The following MYRFL variants were observed in gnomAD, a reference collection of about 807,000 sequenced individuals.
MYRFL encodes the protein myelin regulatory factor like.
A neutral mutation model predicts 109.4 loss-of-function variants in MYRFL; 88 were observed. The ratio of observed to expected loss-of-function variants is 0.80; its 90% confidence interval spans 0.68 to 0.96. MYRFL has a LOEUF of 0.96. Among genes scored for constraint, MYRFL ranks in the 40% least tolerant of loss-of-function variants. The probability of loss-of-function intolerance (pLI) is 0.00; values close to 1 mark genes in which losing one functional copy is unlikely to be tolerated. For synonymous variants in MYRFL, 324 were observed against 320.9 expected, an observed-to-expected ratio of 1.01 and a Z score of -0.10; for missense variants, 957 against 954.9, an observed-to-expected ratio of 1.00 and a Z score of -0.03.
intron 1 of MYRFL, among the ~76,000 whole-genome samples, chr12:69,836,040 G>A (rs2136314856): frequency 6.6e-6 from 1 of 152,298 alleles, no homozygotes; most frequent in Middle Eastern, 3.4e-3. Flanking sequence ...CGGATCACAC[G>A]TGGGCTTGGA....
chr12:69,950,885 G>A (rs1006751641), intron 19 of MYRFL, among the ~76,000 whole-genome samples: 2 of 152,116 alleles, frequency 1.3e-5, no homozygotes, highest in African/African-American at 4.8e-5. Context: ...TCACAAACTA[G>A]ATAGGAAATA....
intron 2 of MYRFL, among the ~76,000 whole-genome samples, chr12:69,862,526 T>G (rs1246067208): frequency 1.3e-5 from 2 of 150,416 alleles, no homozygotes. Flanking sequence ...GAATGGGAGT[T>G]CACTCATGAT....
intron 13 of MYRFL, among the ~76,000 whole-genome samples, chr12:69,920,623 G>C (rs183843673): frequency 6.6e-6 from 1 of 152,182 alleles, no homozygotes; most frequent in Non-Finnish European, 1.5e-5. Context: ...TGGGAGCAGG[G>C]GAGGACAGGT....
intron 13 of MYRFL, among the ~76,000 whole-genome samples, chr12:69,924,682 G>C (rs1205554770): frequency 6.6e-6 from 1 of 152,108 alleles, no homozygotes; most frequent in African/African-American, 2.4e-5. Context: ...TTGTTATTTG[G>C]ATGGATTTTG....
chr12:69,954,376 T>A (rs1463492035), intron 21 of MYRFL, among the ~76,000 whole-genome samples: 1 of 152,228 alleles, frequency 6.6e-6, no homozygotes, highest in Non-Finnish European at 1.5e-5. Context: ...CTGATCCCAA[T>A]GCAGATCTTT....
chr12:69,891,218 A>T, intron 7 of MYRFL, 52 bp downstream of exon 7: 2 of 1,296,562 alleles, frequency 1.5e-6, no homozygotes, highest in Non-Finnish European at 2.0e-6. Context: ...ATTTTGTTTC[A>T]GTTGTCTATT....
Position 69,924,445 on chromosome 12 carries a change from C to T in MYRFL, c.1603-2126C>T, listed in dbSNP as rs77031909. 5.5e-3 allele frequency among the ~76,000 whole-genome samples: 838 copies of T among 152,038 alleles called. 7 individuals carry two copies. Among genetic ancestry groups the T allele is most frequent in the African/African-American group, 0.019 (802 of 41,450 alleles). On this transcript the variant is annotated intron_variant, in intron 13 of 24. Transcript: ENST00000552032. Reference sequence around the variant, plus strand: ...ATAACAGTATATAGAGATATTCTTCCTTTCTTTTTACAGTTGCATAGTATA... The same window carrying T: ...ATAACAGTATATAGAGATATTCTTCTTTTCTTTTTACAGTTGCATAGTATA...
rs566083891 is a variant in MYRFL at position 69,901,541 on chromosome 12, G to C, written c.1183-2103G>C. 2.2e-4 allele frequency among the ~76,000 whole-genome samples: 33 copies of C among 152,286 alleles called. No homozygotes were observed. The South Asian group carries it at 6.8e-3, about 32-fold the overall frequency. On this transcript the variant is annotated intron_variant, in intron 10 of 24. Transcript: ENST00000552032. ...AAAATTAAATCCACTTATATCTGCT[G>C]TTCCAGTATCAAGTTACCAACATGA...
chr12:69,835,980 C>T (rs886185324), intron 1 of MYRFL, among the ~76,000 whole-genome samples: 1 of 152,184 alleles, frequency 6.6e-6, no homozygotes, highest in African/African-American at 2.4e-5. Flanking sequence ...GTCGCAAGGA[C>T]AAGAGGGCTT....
rs540275655 is a variant in MYRFL at position 69,955,430 on chromosome 12, G to C, written c.2443G>C (p.Glu815Gln). The change falls in exon 22 of 25, where the codon GAA becomes CAA. Residue 815 changes from glutamate (E) to glutamine (Q), a missense_variant. Coordinates refer to ENST00000552032, the MANE Select transcript of MYRFL (RefSeq NM_182530.3). ...ACCCACCAATGTCAAGTTCTCTCTG[G>C]AAATAAAGTAAGTGCATGGCTGTAA... ...HTPTNVKFSL[E>Q]INTTEPLIVF... 21 of 637,800 alleles carry C rather than the reference G, an allele frequency of 3.3e-5. No individual in the cohort carries two copies. The highest frequency in any genetic ancestry group is 5.2e-5 in the Admixed American group (2 of 38,234). 39.5% of individuals were successfully genotyped at this position (637,800 alleles called of 1,614,324 possible).
At chr12:69,863,666 C>G (rs1884835736) in intron 2 of MYRFL, among the ~76,000 whole-genome samples, 1 of 152,118 alleles carries the variant, frequency 6.6e-6, no homozygotes, top group Admixed American at 6.6e-5. Flanking sequence ...GGTTTCAACA[C>G]TCATGTATAT....
At chr12:69,894,994 C>T (rs1363392278) in intron 8 of MYRFL, among the ~76,000 whole-genome samples, 1 of 152,228 alleles carries the variant, frequency 6.6e-6, no homozygotes, top group Non-Finnish European at 1.5e-5. Context: ...GGCATTCATG[C>T]TTCAGTCAGG....
chr12:69,862,323 T>G (rs1884734610), intron 2 of MYRFL, among the ~76,000 whole-genome samples: 1 of 151,662 alleles, frequency 6.6e-6, no homozygotes, highest in South Asian at 2.1e-4. Context: ...GCATTGAATC[T>G]ATAAATTACC....
intron 1 of MYRFL, among the ~76,000 whole-genome samples, chr12:69,852,885 A>G (rs960566675): frequency 5.3e-5 from 8 of 152,098 alleles, no homozygotes; most frequent in African/African-American, 1.9e-4. Flanking sequence ...CACATGTTTC[A>G]GAGAGCACGG....
chr12:69,945,986 CAAAAAAAAA>C lies in MYRFL; in HGVS notation c.2225-6107_2225-6099del, dbSNP rs56988555. On this transcript the variant is annotated intron_variant, in intron 19 of 24. Transcript: ENST00000552032. Reference sequence around the variant, plus strand: ...TGGGCGACAGAGCGAGACTCCGTCTCAAAAAAAAAAAAAAAAAAAAAAAAAAAATTATAG... The same window carrying C: ...TGGGCGACAGAGCGAGACTCCGTCTCAAAAAAAAAAAAAAAAAAATTATAG... Among the ~76,000 whole-genome samples the C allele has an allele frequency of 7.3e-4, 31 of 42,346 alleles. 1 individual carries two copies. Among genetic ancestry groups the C allele is most frequent in the Admixed American group, 1.2e-3 (3 of 2,468 alleles). The allele number at this position is 42,346 out of a possible 152,430, so 27.8% of individuals were successfully genotyped here.
chr12:69,891,604 T>TC (rs1886829251), intron 7 of MYRFL, among the ~76,000 whole-genome samples: 64 of 39,388 alleles, frequency 1.6e-3, no homozygotes, highest in Admixed American at 2.4e-3. Flanking sequence ...TTTCTTTCTT[T>TC]CTCTTTCTTT....
At chr12:69,926,016 A>T (rs1955061865) in intron 13 of MYRFL, among the ~76,000 whole-genome samples, 1 of 137,464 alleles carries the variant, frequency 7.3e-6, no homozygotes, top group African/African-American at 3.6e-5. Flanking sequence ...TTTGATGCGT[A>T]TTTTATTAGG....
intron 2 of MYRFL, among the ~76,000 whole-genome samples, chr12:69,866,477 G>T (rs1885022578): frequency 6.6e-6 from 1 of 152,086 alleles, no homozygotes; most frequent in Non-Finnish European, 1.5e-5. Context: ...ATTTATGCAG[G>T]TTAGTTTCAT....
intron 1 of MYRFL, among the ~76,000 whole-genome samples, chr12:69,845,142 G>T (rs556972144): frequency 6.6e-6 from 1 of 152,280 alleles, no homozygotes; most frequent in East Asian, 1.9e-4. Context: ...ATACCAGCCT[G>T]TTTTGTTTTC....
Sources: allele counts gnomAD v4.1 joint callset (sites outside exome capture counted in the v4.1 genomes callset), GRCh38; gene constraint gnomAD v4.1.1; transcripts MANE v1.5; gene names NCBI Gene and HGNC (gene_info 2026-07-23, HGNC 2026-07-21).